The following OPN5 variants were observed in gnomAD, a reference collection of about 807,000 sequenced individuals.
OPN5 encodes the protein opsin 5, also known as opsin-5.
Under a neutral mutation model 41.7 loss-of-function variants are expected in OPN5, and 18 were observed. The ratio of observed to expected loss-of-function variants is 0.43; its 90% CI spans 0.30 to 0.64. The LOEUF (loss-of-function observed/expected upper bound fraction) is 0.64, where lower values mean the gene tolerates loss of function less well. Ranked by LOEUF, OPN5 falls within the 30% of genes least tolerant of loss-of-function variation. OPN5 has a pLI of 0.13. For missense variants in OPN5, 318 were observed against 434.5 expected, an observed-to-expected ratio of 0.73 and a Z score of 2.38; for synonymous variants, 178 against 164.3, an observed-to-expected ratio of 1.08 and a Z score of -0.64.
At position 47,804,537 on chromosome 6, in the gene OPN5, C is replaced by T. The variant is rs1773892092; in HGVS notation, c.757-3617C>T. 2.0e-5 allele frequency among the ~76,000 whole-genome samples: 3 copies of T among 151,972 alleles called. No individual in the cohort carries two copies. The South Asian group carries it at 6.2e-4, about 32-fold the overall frequency. On this transcript the variant is annotated intron_variant, in intron 4 of 6. Coordinates refer to ENST00000371211, the Ensembl canonical transcript of OPN5. ...ATGAAAGTTTTGAAAACTTTCGTGG[C>T]CTATATCTTAAAATAGTTTTTACAT...
intron 2 of OPN5, among the ~76,000 whole-genome samples, chr6:47,788,158 T>TA (rs1299935639): frequency 6.6e-6 from 1 of 152,120 alleles, no homozygotes; most frequent in Non-Finnish European, 1.5e-5. Flanking sequence ...TTTGTGAAAA[T>TA]AAACAGGACG....
At position 47,813,770 on chromosome 6, in the gene OPN5, T is replaced by A. The variant is rs1762340345; in HGVS notation, c.1056+2039T>A. Among the ~76,000 whole-genome samples, 4 of 152,072 alleles carry A rather than the reference T, an allele frequency of 2.6e-5. No homozygotes were observed. In the South Asian group the frequency reaches 6.2e-4, roughly 24 times the overall value. On this transcript the variant is annotated intron_variant, in intron 6 of 6. Transcript: ENST00000371211. ...TTAAAAATGAAGATGAAAATTTAGG[T>A]TTAAAATATTTTAAAAAGTGACAAA...
In OPN5 at chr6:47,784,152, G is replaced by A. The variant is rs542754816; in HGVS notation, c.130+1956G>A. Among the ~76,000 whole-genome samples, 67 of 152,252 alleles carry A rather than the reference G, an allele frequency of 4.4e-4. No individual in the cohort carries two copies. In the South Asian group the frequency reaches 0.013, roughly 30 times the overall value. On this transcript the variant is annotated intron_variant, in intron 1 of 6. Coordinates refer to ENST00000371211, the Ensembl canonical transcript of OPN5. ...AGGAGGATCAGGGCACTAGGAGGTG[G>A]AGCCAATGGTATGTTAGAGAACAGT...
chr6:47,791,541 A>G (rs1182466390), intron 2 of OPN5, among the ~76,000 whole-genome samples: 1 of 152,196 alleles, frequency 6.6e-6, no homozygotes, highest in Non-Finnish European at 1.5e-5. Context: ...AGTAATAATT[A>G]CTTTAAAGTT....
Position 47,815,593 on chromosome 6 carries a change from T to C in OPN5, c.1056+3862T>C, listed in dbSNP as rs530516278. On this transcript the variant is annotated intron_variant, in intron 6 of 6. Transcript: ENST00000371211. ...CAGTCTTTGGTTCAATAACTAATTT[T>C]ATAGAGAGGGAGCCAGACCTCACTG... Among the ~76,000 whole-genome samples the C allele has an allele frequency of 3.3e-5, 5 of 152,252 alleles. No homozygotes were observed. In the East Asian group the frequency reaches 9.6e-4, roughly 29 times the overall value.
intron 4 of OPN5, among the ~76,000 whole-genome samples, chr6:47,805,425 TG>T (rs1554140695): frequency 6.4e-5 from 1 of 15,660 alleles, no homozygotes; most frequent in African/African-American, 1.2e-4. Flanking sequence ...TATTATTAAT[TG>T]TGTGTGTGTG....
intron 6 of OPN5, among the ~76,000 whole-genome samples, chr6:47,820,422 C>T (rs892702497): frequency 5.3e-5 from 8 of 152,046 alleles, no homozygotes; most frequent in East Asian, 1.9e-4. Context: ...TATGGTTGAC[C>T]GATTTATTCT....
chr6:47,822,021 A>G (rs539450362), intron 6 of OPN5, among the ~76,000 whole-genome samples: 1 of 151,420 alleles, frequency 6.6e-6, no homozygotes, highest in Non-Finnish European at 1.5e-5. Context: ...CTGAGGCAGG[A>G]GAATCGCTTG....
downstream of OPN5, chr6:47,826,190 T>C (rs1011339217): frequency 2.6e-5 from 4 of 152,114 alleles, no homozygotes; most frequent in African/African-American, 9.7e-5. Flanking sequence ...TAGCATATTG[T>C]GGTTCATGTT....
chr6:47,792,984 T>TG (rs1773431369), intron 3 of OPN5, among the ~76,000 whole-genome samples: 1 of 103,626 alleles, frequency 9.7e-6, no homozygotes, highest in Non-Finnish European at 2.3e-5. Flanking sequence ...AGCACTACGT[T>TG]TTTTTTTTTT....
intron 6 of OPN5, among the ~76,000 whole-genome samples, chr6:47,812,911 A>G (rs748163128): frequency 2.5e-4 from 38 of 152,180 alleles, no homozygotes; most frequent in Non-Finnish European, 3.8e-4. Flanking sequence ...GTAGAGAATC[A>G]TACCCTCCTC....
intron 3 of OPN5, among the ~76,000 whole-genome samples, chr6:47,792,380 C>G (rs192597262): frequency 6.6e-6 from 1 of 152,216 alleles, no homozygotes. Context: ...TTAGGACTCA[C>G]GCTCCCTGTG....
chr6:47,782,508 G>A (rs1261323137), intron 1 of OPN5, among the ~76,000 whole-genome samples: 3 of 152,118 alleles, frequency 2.0e-5, no homozygotes, highest in Non-Finnish European at 4.4e-5. Context: ...TAATGATAAT[G>A]ATATTTTATT....
chr6:47,799,096 T>C (rs1773672684), intron 4 of OPN5, among the ~76,000 whole-genome samples: 2 of 152,116 alleles, frequency 1.3e-5, no homozygotes, highest in Non-Finnish European at 2.9e-5. Context: ...CAAACCTTTC[T>C]CTACTTTGTA....
intron 6 of OPN5, among the ~76,000 whole-genome samples, chr6:47,816,590 A>G (rs1762435883): frequency 6.6e-6 from 1 of 152,088 alleles, no homozygotes; most frequent in South Asian, 2.1e-4. Context: ...GGATTACAAC[A>G]TTTTCTTCCA....
intron 4 of OPN5, among the ~76,000 whole-genome samples, chr6:47,799,091 C>A (rs1334146359): frequency 6.6e-6 from 1 of 151,860 alleles, no homozygotes; most frequent in Non-Finnish European, 1.5e-5. Flanking sequence ...GTCTGCAAAC[C>A]TTTCTCTACT....
intron 4 of OPN5, among the ~76,000 whole-genome samples, chr6:47,806,089 C>T (rs1773948782): frequency 6.6e-6 from 1 of 151,806 alleles, no homozygotes; most frequent in South Asian, 2.1e-4. Context: ...CATAAAGCAG[C>T]CTAGCAGATT....
At chr6:47,792,283 G>A (rs574588519) in intron 3 of OPN5, among the ~76,000 whole-genome samples, 1 of 152,190 alleles carries the variant, frequency 6.6e-6, no homozygotes, top group Non-Finnish European at 1.5e-5. Context: ...GAAATAAAGT[G>A]CATCGAAAGG....
exon 4 of OPN5, chr6:47,795,510 C>G: frequency 6.2e-7 from 1 of 1,614,086 alleles, no homozygotes; most frequent in Non-Finnish European, 8.5e-7. Context: ...AGAAGTAGCT[C>G]ATTTCGACAG....
Sources: allele counts gnomAD v4.1 joint callset (sites outside exome capture counted in the v4.1 genomes callset), GRCh38; gene constraint gnomAD v4.1.1; transcripts MANE v1.5; gene names NCBI Gene and HGNC (gene_info 2026-07-23, HGNC 2026-07-21).